CADM2: variants seen among roughly 807,000 people sequenced by gnomAD.
The protein encoded by CADM2 is immunoglobulin superfamily member 4D.
A neutral mutation model predicts 49.8 loss-of-function variants in CADM2; 12 were observed. The ratio of observed to expected loss-of-function variants is 0.24; its 90% CI spans 0.15 to 0.39. The LOEUF (loss-of-function observed/expected upper bound fraction) is 0.39, where lower values mean the gene tolerates loss of function less well. Among genes scored for constraint, CADM2 ranks in the 10% least tolerant of loss-of-function variants. The pLI, the probability that CADM2 is intolerant of heterozygous loss-of-function variation, is 1.00. For missense variants in CADM2, 378 were observed against 492.3 expected, an observed-to-expected ratio of 0.77 and a Z score of 2.20; for synonymous variants, 214 against 175.4, an observed-to-expected ratio of 1.22 and a Z score of -1.74.
chr3:86,073,656 A>T lies in CADM2; in HGVS notation c.*6873A>T, dbSNP rs1367552984. The stretch of plus-strand genomic sequence containing the variant: ...TTTGAATTTTAGTTATCTGTTGGAC[A>T]TTACTGAATTGTCTATTCATTTAGT... On this transcript the variant is annotated 3_prime_UTR_variant, in exon 10 of 10. Transcript: ENST00000383699. 6.6e-6 allele frequency: 1 copy of T among 152,054 alleles called. No homozygotes were observed. Among genetic ancestry groups the T allele is most frequent in the East Asian group, 1.9e-4 (1 of 5,194 alleles). The allele number at this position is 152,054 out of a possible 1,614,324, so 9.4% of individuals were successfully genotyped here. A position where few individuals can be genotyped will look rare whatever the true frequency, so the allele number is the denominator to read the frequency against.
intron 1 of CADM2, among the ~76,000 whole-genome samples, chr3:85,065,097 AT>A (rs906816128): frequency 6.6e-5 from 10 of 152,190 alleles, no homozygotes; most frequent in South Asian, 2.1e-4. Flanking sequence ...GATAATACTA[AT>A]TTTTTTCCCA....
intron 1 of CADM2, among the ~76,000 whole-genome samples, chr3:85,007,119 T>C (rs2033771041): frequency 6.6e-6 from 1 of 152,120 alleles, no homozygotes; most frequent in South Asian, 2.1e-4. Flanking sequence ...AAAAAGGACA[T>C]AAAATATTAA....
chr3:85,991,384 T>C (rs1405994384), intron 8 of CADM2, among the ~76,000 whole-genome samples: 1 of 152,194 alleles, frequency 6.6e-6, no homozygotes, highest in Non-Finnish European at 1.5e-5. Flanking sequence ...AGAGATAAAG[T>C]TTTGCCTCTT....
At chr3:85,064,900 C>A (rs1395054647) in intron 1 of CADM2, among the ~76,000 whole-genome samples, 1 of 152,076 alleles carries the variant, frequency 6.6e-6, no homozygotes, top group African/African-American at 2.4e-5. Flanking sequence ...CACCAGTGTG[C>A]CTCATGAGTT....
At chr3:86,020,118 G>A (rs1025667244) in intron 8 of CADM2, among the ~76,000 whole-genome samples, 3 of 151,862 alleles carry the variant, frequency 2.0e-5, no homozygotes, top group African/African-American at 7.3e-5. Context: ...AAAGAGAGAA[G>A]AATCAAATAG....
At chr3:85,826,016 A>G (rs998545464) in intron 3 of CADM2, among the ~76,000 whole-genome samples, 1 of 152,078 alleles carries the variant, frequency 6.6e-6, no homozygotes, top group African/African-American at 2.4e-5. Flanking sequence ...ATGTTTTACA[A>G]TTTCAGTAAT....
intron 1 of CADM2, among the ~76,000 whole-genome samples, chr3:85,562,640 T>C (rs1037962228): frequency 2.6e-5 from 4 of 152,130 alleles, no homozygotes; most frequent in Non-Finnish European, 5.9e-5. Flanking sequence ...TATAGCCCAA[T>C]GTAAAATATA....
At chr3:85,591,962 A>G (rs2063121019) in intron 1 of CADM2, among the ~76,000 whole-genome samples, 1 of 152,008 alleles carries the variant, frequency 6.6e-6, no homozygotes, top group Non-Finnish European at 1.5e-5. Context: ...CACAAAAGAA[A>G]CCAATTTTTA....
intron 8 of CADM2, among the ~76,000 whole-genome samples, chr3:86,003,502 A>G (rs1036163001): frequency 2.0e-5 from 3 of 152,208 alleles, no homozygotes; most frequent in Non-Finnish European, 2.9e-5. Flanking sequence ...AACCTACCTC[A>G]TAGAATTGCT....
intron 8 of CADM2, among the ~76,000 whole-genome samples, chr3:85,996,031 A>G (rs1453430531): frequency 2.0e-5 from 3 of 151,680 alleles, no homozygotes; most frequent in Non-Finnish European, 4.4e-5. Context: ...CAGAGCTTTC[A>G]GTGAGCCCAG....
chr3:85,322,436 G>T (rs370537072), intron 1 of CADM2, among the ~76,000 whole-genome samples: 16 of 151,224 alleles, frequency 1.1e-4, no homozygotes, highest in East Asian at 2.0e-4. Flanking sequence ...AGGCTGTAAT[G>T]CTCCTCACAA....
At chr3:85,926,349 C>T (rs1469982911) in intron 6 of CADM2, among the ~76,000 whole-genome samples, 1 of 151,940 alleles carries the variant, frequency 6.6e-6, no homozygotes, top group African/African-American at 2.4e-5. Context: ...TTGCTATTCT[C>T]CGTTCCTCTA....
chr3:85,477,206 T>A (rs2107619560), intron 1 of CADM2, among the ~76,000 whole-genome samples: 1 of 146,670 alleles, frequency 6.8e-6, no homozygotes, highest in African/African-American at 2.5e-5. Context: ...TCCAAAATTT[T>A]AAAAGTTCAC....
chr3:85,202,241 A>C (rs529073078), intron 1 of CADM2, among the ~76,000 whole-genome samples: 1 of 152,244 alleles, frequency 6.6e-6, no homozygotes, highest in African/African-American at 2.4e-5. Context: ...ATGAATCACA[A>C]ATTATCTTAA....
intron 1 of CADM2, among the ~76,000 whole-genome samples, chr3:85,543,264 T>A (rs867603027): frequency 0.042 from 1,931 of 45,456 alleles, 43 homozygotes; most frequent in African/African-American, 0.063. Context: ...TTTATTTTTA[T>A]TTTTTTTGGA....
rs139694656 is a variant in CADM2 at position 85,021,707 on chromosome 3, G to A, written c.61+62039G>A. 6.6e-3 allele frequency among the ~76,000 whole-genome samples: 999 copies of A among 152,180 alleles called. 12 individuals are homozygous for A. Among genetic ancestry groups the A allele is most frequent in the Non-Finnish European group, 7.7e-3 (524 of 67,990 alleles). On this transcript the variant is annotated intron_variant, in intron 1 of 9. Coordinates refer to ENST00000383699, the MANE Select transcript of CADM2 (RefSeq NM_001167675.2). ...GGAGAATCGCTTGAACCCAGGAAGC[G>A]GAGGTTGCAGTGAGCCGAGATCATG...
intron 1 of CADM2, among the ~76,000 whole-genome samples, chr3:84,974,907 T>C (rs187373476): frequency 2.8e-4 from 42 of 152,078 alleles, no homozygotes; most frequent in Admixed American, 2.1e-3. Context: ...GAGTCAGAAG[T>C]TAAAATGATA....
chr3:85,384,222 AG>A (rs2034074903), intron 1 of CADM2, among the ~76,000 whole-genome samples: 1 of 128,962 alleles, frequency 7.8e-6, no homozygotes, highest in African/African-American at 5.0e-5. Flanking sequence ...CTGATTATGT[AG>A]AGAGTATCCA....
chr3:85,786,794 C>G (rs1222437047), intron 2 of CADM2, among the ~76,000 whole-genome samples: 1 of 151,982 alleles, frequency 6.6e-6, no homozygotes, highest in Non-Finnish European at 1.5e-5. Flanking sequence ...TTATACGTCT[C>G]ACATTCATAT....
Sources: gnomAD v4.1 joint callset for allele counts (sites outside exome capture counted in the v4.1 genomes callset) on GRCh38, gnomAD v4.1.1 for gene constraint, MANE v1.5 for transcripts, NCBI Gene and HGNC (gene_info 2026-07-23, HGNC 2026-07-21) for gene names.